ACO2: variants seen among roughly 807,000 people sequenced by gnomAD.
ACO2 encodes the protein aconitase 2.
In ACO2, 31 loss-of-function variants were observed where a neutral mutation model predicts 84.5. That is an observed-to-expected ratio of 0.37 (90% CI 0.28 to 0.50). ACO2 has a LOEUF of 0.50. Among genes scored for constraint, ACO2 ranks in the 20% least tolerant of loss-of-function variants. The pLI, the probability that ACO2 is intolerant of heterozygous loss-of-function variation, is 0.97. For synonymous variants in ACO2, 414 were observed against 412.7 expected (o/e 1.00, Z -0.04); for missense variants, 685 against 1,029.3 (o/e 0.67, Z 4.58).
At chr22:41,524,523 G>A (rs1005912643) in intron 12 of ACO2, among the ~76,000 whole-genome samples, 5 of 152,244 alleles carry the variant, frequency 3.3e-5, no homozygotes, top group African/African-American at 1.2e-4. Context: ...GCACTGAGCA[G>A]GTTTGCATCA....
chr22:41,478,438 C>T (rs1301739022), intron 1 of ACO2, among the ~76,000 whole-genome samples: 1 of 152,186 alleles, frequency 6.6e-6, no homozygotes, highest in Non-Finnish European at 1.5e-5. Flanking sequence ...GCCACTGCGC[C>T]TGGCCAAGAA....
chr22:41,469,485 T>TG, intron 1 of ACO2: 1 of 386,572 alleles, frequency 2.6e-6, no homozygotes, highest in Non-Finnish European at 4.7e-6. Context: ...CCTGCTCCCG[T>TG]GGGGTGTGTT....
chr22:41,518,599 G>A (rs1254735414), intron 8 of ACO2, 27 bp downstream of exon 8: 1 of 1,571,276 alleles, frequency 6.4e-7, no homozygotes, highest in Admixed American at 1.7e-5. Flanking sequence ...CTGGGTTCAA[G>A]AAGTTTCTGA....
chr22:41,492,034 C>T (rs921205939), intron 1 of ACO2, among the ~76,000 whole-genome samples: 2 of 152,204 alleles, frequency 1.3e-5, no homozygotes, highest in African/African-American at 2.4e-5. Context: ...ATCCTGGAGT[C>T]AACTGCATAC....
chr22:41,522,044 A>G lies in ACO2; in HGVS notation c.1139-786A>G, dbSNP rs2066530951. Among the ~76,000 whole-genome samples, 5 of 152,320 alleles carry G rather than the reference A, an allele frequency of 3.3e-5. No homozygotes were observed. The South Asian group carries it at 1.0e-3, about 32-fold the overall frequency. On this transcript the variant is annotated intron_variant, in intron 9 of 17. Coordinates refer to ENST00000216254, the MANE Select transcript of ACO2 (RefSeq NM_001098.3). The stretch of plus-strand genomic sequence containing the variant: ...TGCCTCGGCCTCTCAAAGTTGTGGG[A>G]TTACAGGTGTGAGCCACCGCGCCTG...
intron 1 of ACO2, among the ~76,000 whole-genome samples, chr22:41,496,833 T>C (rs2066317470): frequency 6.6e-6 from 1 of 152,146 alleles, no homozygotes; most frequent in African/African-American, 2.4e-5. Flanking sequence ...TCAGGGGTGC[T>C]GTTTCAGAAT....
At chr22:41,470,123 T>G (rs1436792848) in intron 1 of ACO2, among the ~76,000 whole-genome samples, 3 of 152,216 alleles carry the variant, frequency 2.0e-5, no homozygotes, top group African/African-American at 7.2e-5. Flanking sequence ...GCTGACTGAC[T>G]GCCAGATGAT....
chr22:41,506,558 C>G (rs2066394986), intron 2 of ACO2, among the ~76,000 whole-genome samples: 1 of 152,062 alleles, frequency 6.6e-6, no homozygotes, highest in Non-Finnish European at 1.5e-5. Flanking sequence ...CGGCCTCATT[C>G]TGTTTTTTAT....
intron 1 of ACO2, among the ~76,000 whole-genome samples, chr22:41,495,604 A>G (rs928789157): frequency 6.7e-6 from 1 of 148,390 alleles, no homozygotes; most frequent in Non-Finnish European, 1.5e-5. Context: ...GGCAATAGGT[A>G]TTGTTACAGT....
Position 41,507,883 on chromosome 22 carries a change from T to C in ACO2, c.266T>C (p.Leu89Pro). ...GAAATTGAGCGAGGCAAGTCGTACC[T>C]GCGGCTGCGGCCGGACCGTGTGGCC... Reference protein sequence around the residue: ...SQEIERGKSYLRLRPDRVAMQ... With the variant: ...SQEIERGKSYPRLRPDRVAMQ... The change falls in exon 3 of 18, where the codon CTG becomes CCG. Residue 89 changes from leucine (L) to proline (P), a missense_variant. Around this residue, in one of 5 missense-constraint regions of ACO2, gnomAD observed 92 missense variants for 203.7 expected, o/e 0.45. Coordinates refer to ENST00000216254, the MANE Select transcript of ACO2 (RefSeq NM_001098.3). 6.2e-7 allele frequency: 1 copy of C among 1,614,230 alleles called. No individual in the cohort carries two copies. Among genetic ancestry groups the C allele is most frequent in the Non-Finnish European group, 8.5e-7 (1 of 1,180,042 alleles).
In ACO2 at chr22:41,525,214, A is replaced by G. The variant is rs1400751318; in HGVS notation, c.1627A>G (p.Thr543Ala). Residue 543 changes from threonine to alanine, a missense_variant, in exon 14 of 18, where the codon ACC (threonine) becomes GCC (alanine). Thr to Ala is a moderately conservative substitution (Grantham distance 58). This residue lies in a region of ACO2 where 311 missense variants were observed against 441.6 expected (regional missense o/e 0.70). Transcript: ENST00000216254. The part of the protein sequence containing the change: ...PKGEFDPGQD[T>A]YQHPPKDSSG... Reference sequence around the variant, plus strand: ...GCAGGAGTTTGACCCAGGGCAGGACACCTACCAGCACCCACCCAAGGACAG... The same window carrying G: ...GCAGGAGTTTGACCCAGGGCAGGACGCCTACCAGCACCCACCCAAGGACAG... The G allele has an allele frequency of 1.2e-6, 2 of 1,614,042 alleles. No individual in the cohort carries two copies. The highest frequency in any genetic ancestry group is 3.3e-5 in the Admixed American group (2 of 60,022).
chr22:41,490,975 A>G (rs1320995537), intron 1 of ACO2, among the ~76,000 whole-genome samples: 2 of 152,034 alleles, frequency 1.3e-5, no homozygotes, highest in Admixed American at 1.3e-4. Context: ...TTGGAGACAG[A>G]CATCATCTCA....
At chr22:41,524,311 C>T (rs1830254363) in intron 12 of ACO2, among the ~76,000 whole-genome samples, 1 of 152,202 alleles carries the variant, frequency 6.6e-6, no homozygotes, top group Non-Finnish European at 1.5e-5. Context: ...AGTTTCCAAC[C>T]CCAGGTAGGA....
intron 1 of ACO2, among the ~76,000 whole-genome samples, chr22:41,488,300 C>T (rs1262857061): frequency 3.3e-5 from 5 of 152,162 alleles, no homozygotes; most frequent in African/African-American, 2.4e-5. Context: ...CTTTACCCTA[C>T]CCTAGCAGGG....
At chr22:41,523,598 A>C (rs1164213734) in intron 11 of ACO2, among the ~76,000 whole-genome samples, 2 of 152,146 alleles carry the variant, frequency 1.3e-5, no homozygotes, top group Non-Finnish European at 2.9e-5. Context: ...TCAGGCCTTG[A>C]CCAAGGCCTT....
At chr22:41,490,548 C>T (rs1215150874) in intron 1 of ACO2, among the ~76,000 whole-genome samples, 3 of 152,286 alleles carry the variant, frequency 2.0e-5, no homozygotes, top group East Asian at 1.9e-4. Context: ...AACAGCGCCG[C>T]GGACAGTACC....
intron 2 of ACO2, among the ~76,000 whole-genome samples, chr22:41,506,542 C>T (rs1318879331): frequency 2.0e-5 from 3 of 152,258 alleles, no homozygotes; most frequent in East Asian, 1.9e-4. Flanking sequence ...CATGAGCCAC[C>T]GCACCCGGCC....
chr22:41,506,289 A>G (rs1206316815), intron 2 of ACO2, among the ~76,000 whole-genome samples: 5 of 149,534 alleles, frequency 3.3e-5, no homozygotes, highest in East Asian at 2.0e-4. Flanking sequence ...GTCTTGCTCT[A>G]TTGCCCAGGC....
At chr22:41,474,132 G>A (rs919064451) in intron 1 of ACO2, among the ~76,000 whole-genome samples, 9 of 152,014 alleles carry the variant, frequency 5.9e-5, no homozygotes, top group African/African-American at 2.2e-4. Context: ...TCTGGGGGGT[G>A]GAGATAATGA....
Sources: allele counts gnomAD v4.1 joint callset (sites outside exome capture counted in the v4.1 genomes callset), GRCh38; gene constraint gnomAD v4.1.1; regional missense constraint gnomAD v4.1.1; transcripts MANE v1.5; gene names NCBI Gene and HGNC (gene_info 2026-07-23, HGNC 2026-07-21).